ANK3: variants seen among roughly 807,000 people sequenced by gnomAD.
The protein encoded by ANK3 is ankyrin 3.
In ANK3, 57 loss-of-function variants were observed where a neutral mutation model predicts 370.9. The observed-to-expected ratio is 0.15, with a 90% confidence interval of 0.12 to 0.19. The LOEUF is 0.19. ANK3 is among the 10% of genes least tolerant of loss of function. ANK3 has a pLI of 1.00. For synonymous variants in ANK3, 1,929 were observed against 1,946.3 expected (o/e 0.99, Z 0.23); for missense variants, 4,439 against 5,302.1 (o/e 0.84, Z 5.06).
At chr10:60,483,011 G>A (rs559466066) in intron 2 of ANK3, among the ~76,000 whole-genome samples, 29 of 152,280 alleles carry the variant, frequency 1.9e-4, no homozygotes, top group African/African-American at 5.8e-4. Flanking sequence ...CATCGTTCTC[G>A]TGCTTAATGT....
intron 1 of ANK3, among the ~76,000 whole-genome samples, chr10:60,332,501 T>G (rs1593946369): frequency 1.3e-5 from 2 of 152,296 alleles, no homozygotes; most frequent in Middle Eastern, 6.8e-3. Flanking sequence ...TTTACTAATT[T>G]CTGCCAGTTG....
chr10:60,495,094 T>C (rs538072420), intron 2 of ANK3, among the ~76,000 whole-genome samples: 60 of 152,300 alleles, frequency 3.9e-4, no homozygotes, highest in African/African-American at 1.4e-3. Context: ...CTACCTCCTT[T>C]AAGAAATGTT....
chr10:60,045,411 T>C (rs1005071245), intron 42 of ANK3, among the ~76,000 whole-genome samples: 5 of 152,212 alleles, frequency 3.3e-5, no homozygotes, highest in African/African-American at 4.8e-5. Flanking sequence ...GATGGCTCCA[T>C]AGTATCTCTC....
rs59353719 is a variant in ANK3, at chr10:60,179,685, G to GA, written c.2184+1643dup. On this transcript the variant is annotated intron_variant, in intron 18 of 43. Transcript: ENST00000280772. ...GACAGAGTGAGACTCCCTCTTGGAG[G>GA]AAAAAAAAAAAAAAAGACTACCAAC... 8.4e-3 allele frequency among the ~76,000 whole-genome samples: 1,181 copies of GA among 139,978 alleles called. 5 individuals carry two copies. The highest frequency in any genetic ancestry group is 0.01 in the Non-Finnish European group (649 of 64,520). The allele number at this position is 139,978 out of a possible 152,430, so 91.8% of individuals were successfully genotyped here.
intron 8 of ANK3, among the ~76,000 whole-genome samples, chr10:60,220,876 A>T (rs549142227): frequency 6.6e-6 from 1 of 152,290 alleles, no homozygotes; most frequent in East Asian, 1.9e-4. Flanking sequence ...GACTCTTTTC[A>T]TCAAGAATTT....
At position 60,445,333 on chromosome 10, in the gene ANK3, C is replaced by T. The variant is rs757235364; in HGVS notation, c.97-165694G>A. Among the ~76,000 whole-genome samples the T allele has an allele frequency of 9.2e-5, 14 of 151,610 alleles. No individual in the cohort carries two copies. In the South Asian group the frequency reaches 1.0e-3, roughly 11 times the overall value. ...TGAACCCAGGAGGCAGAGGTTGCAG[C>T]GAGCCGAGATCACACCACTGCACTC... On this transcript the variant is annotated intron_variant, in intron 2 of 43. Transcript: ENST00000373827.
rs1344067321 is a variant in ANK3, at chr10:60,724,065, C to A, written c.57+9198G>T. On this transcript the variant is annotated intron_variant, in intron 1 of 43. Coordinates refer to the ANK3 transcript ENST00000373827. ...CTCTACTAAAAATACAAAAAATTAG[C>A]CAGGTGTGGTGGCGGGCGCCTGTAG... Among the ~76,000 whole-genome samples, 2 of 130,284 alleles carry A rather than the reference C, an allele frequency of 1.5e-5. 1 individual carries two copies. Among genetic ancestry groups the A allele is most frequent in the African/African-American group, 5.4e-5 (2 of 37,154 alleles). 85.5% of individuals were successfully genotyped at this position (130,284 alleles called of 152,430 possible). A position where few individuals can be genotyped will look rare whatever the true frequency, so the allele number is the denominator to read the frequency against.
At chr10:60,670,870 G>C (rs1421887412) in intron 1 of ANK3, among the ~76,000 whole-genome samples, 1 of 152,182 alleles carries the variant, frequency 6.6e-6, no homozygotes, top group Non-Finnish European at 1.5e-5. Context: ...TGATCAGTTG[G>C]GAGAAGTCCC....
chr10:60,309,857 A>G (rs187774017), intron 1 of ANK3, among the ~76,000 whole-genome samples: 2 of 152,244 alleles, frequency 1.3e-5, no homozygotes, highest in Non-Finnish European at 2.9e-5. Flanking sequence ...AGCATTTAGC[A>G]GTTTTATAAC....
At chr10:60,460,887 A>G (rs990685090) in intron 2 of ANK3, among the ~76,000 whole-genome samples, 9 of 152,214 alleles carry the variant, frequency 5.9e-5, no homozygotes, top group African/African-American at 1.9e-4. Flanking sequence ...ATATGACTCT[A>G]TAATTCACAA....
intron 1 of ANK3, among the ~76,000 whole-genome samples, chr10:60,631,742 G>T (rs1361118335): frequency 6.6e-6 from 1 of 152,038 alleles, no homozygotes; most frequent in South Asian, 2.1e-4. Context: ...GAAGAATACA[G>T]ATCTAGAGCA....
intron 28 of ANK3, among the ~76,000 whole-genome samples, chr10:60,098,866 G>A (rs1480336027): frequency 2.0e-5 from 3 of 152,058 alleles, no homozygotes; most frequent in Admixed American, 6.6e-5. Context: ...AGATTTGCAC[G>A]TGTAATAAGT....
chr10:60,459,573 T>A (rs1206584922), intron 2 of ANK3, among the ~76,000 whole-genome samples: 1 of 152,192 alleles, frequency 6.6e-6, no homozygotes, highest in Non-Finnish European at 1.5e-5. Flanking sequence ...TGCTGATGCA[T>A]CATTCTAGGT....
At chr10:60,403,757 T>A (rs1053659840) in intron 2 of ANK3, among the ~76,000 whole-genome samples, 2 of 152,066 alleles carry the variant, frequency 1.3e-5, no homozygotes, top group African/African-American at 4.8e-5. Flanking sequence ...TTAGCCAGTA[T>A]AATAAGGCAA....
rs7088798 is a variant in ANK3 at position 60,716,147 on chromosome 10, G to A, written c.57+17116C>T. ...CCTATTGAGAATCATTAATACTATC[G>A]CTCATAAAAATTGTATTTTAACATC... On this transcript the variant is annotated intron_variant, in intron 1 of 43. Transcript: ENST00000373827. Among the ~76,000 whole-genome samples the A allele has an allele frequency of 2.6e-5, 4 of 151,698 alleles. No individual in the cohort carries two copies. In the East Asian group the frequency reaches 7.7e-4, roughly 29 times the overall value.
intron 2 of ANK3, among the ~76,000 whole-genome samples, chr10:60,552,733 G>A (rs2077115714): frequency 6.6e-6 from 1 of 152,254 alleles, no homozygotes; most frequent in East Asian, 1.9e-4. Context: ...TTCACTTTGT[G>A]GTTGATACGG....
intron 1 of ANK3, among the ~76,000 whole-genome samples, chr10:60,367,919 G>T (rs180726224): frequency 8.1e-4 from 124 of 152,262 alleles, no homozygotes; most frequent in African/African-American, 2.9e-3. Flanking sequence ...TTCAAGAGAA[G>T]GGGGAAAATC....
chr10:60,243,080 T>C (rs1004698320), intron 7 of ANK3, among the ~76,000 whole-genome samples: 1 of 152,200 alleles, frequency 6.6e-6, no homozygotes, highest in African/African-American at 2.4e-5. Context: ...AACATTGCAT[T>C]GTGGCAGGAC....
At chr10:60,307,649 C>T (rs1206723075) in intron 1 of ANK3, among the ~76,000 whole-genome samples, 2 of 152,066 alleles carry the variant, frequency 1.3e-5, no homozygotes, top group Non-Finnish European at 2.9e-5. Context: ...CTATGATGTA[C>T]TTTTAAATGA....
Sources: allele counts gnomAD v4.1 joint callset (sites outside exome capture counted in the v4.1 genomes callset), GRCh38; gene constraint gnomAD v4.1.1; transcripts MANE v1.5; gene names NCBI Gene and HGNC (gene_info 2026-07-23, HGNC 2026-07-21).